CADPS2: variants seen among roughly 807,000 people sequenced by gnomAD.
The protein encoded by CADPS2 is calcium-dependent secretion activator 2.
A neutral mutation model predicts 172.5 loss-of-function variants in CADPS2; 93 were observed. That is an observed-to-expected ratio of 0.54 (90% CI 0.46 to 0.64). CADPS2 has a LOEUF of 0.64. CADPS2 is among the 30% of genes least tolerant of loss of function. The pLI is 0.00. For synonymous variants in CADPS2, 546 were observed against 555.2 expected, an observed-to-expected ratio of 0.98 and a Z score of 0.23; for missense variants, 1,420 against 1,565.9, an observed-to-expected ratio of 0.91 and a Z score of 1.57.
chr7:122,713,696 C>T lies in CADPS2; in HGVS notation c.453+23259G>A, dbSNP rs577260508. 6.6e-5 allele frequency among the ~76,000 whole-genome samples: 10 copies of T among 151,844 alleles called. No homozygotes were observed. The East Asian group carries it at 1.6e-3, about 24-fold the overall frequency. ...ACATATATTCTTGAAGACAAGTGAT[C>T]TCTTTACACAAATACCTAGTAACAC... is the stretch of plus-strand genomic sequence containing the variant. On this transcript the variant is annotated intron_variant, in intron 2 of 29. Transcript: ENST00000449022.
At chr7:122,748,665 A>T (rs1178124603) in intron 1 of CADPS2, among the ~76,000 whole-genome samples, 1 of 152,126 alleles carries the variant, frequency 6.6e-6, no homozygotes, top group Non-Finnish European at 1.5e-5. Flanking sequence ...TACATGGATG[A>T]GAAGTGGCTA....
chr7:122,438,502 T>C, intron 16 of CADPS2, 38 bp from the exon 17 acceptor site: 1 of 1,608,010 alleles, frequency 6.2e-7, no homozygotes. Flanking sequence ...GGGGCAGGGT[T>C]GGGGATAGAC....
chr7:122,749,394 A>T (rs927043478), intron 1 of CADPS2, among the ~76,000 whole-genome samples: 1 of 152,138 alleles, frequency 6.6e-6, no homozygotes, highest in Non-Finnish European at 1.5e-5. Context: ...GGCAACTAGC[A>T]CTGCTGCTCT....
intron 1 of CADPS2, among the ~76,000 whole-genome samples, chr7:122,753,495 T>A (rs1349541835): frequency 6.6e-6 from 1 of 152,194 alleles, no homozygotes; most frequent in Non-Finnish European, 1.5e-5. Context: ...ATACCTGTAC[T>A]CCTACAGTGA....
chr7:122,409,485 C>A, intron 19 of CADPS2: 19 of 259,150 alleles, frequency 7.3e-5, no homozygotes, highest in South Asian at 1.4e-4. Flanking sequence ...TTTTTCAAAA[C>A]AGCTTCAGGT....
intron 14 of CADPS2, 109 bp downstream of exon 14, chr7:122,471,266 G>A: frequency 6.2e-6 from 2 of 324,692 alleles, no homozygotes; most frequent in Non-Finnish European, 5.6e-6. Context: ...CTTGTAAGAA[G>A]TGTTTGCTAT....
chr7:122,669,484 G>T (rs2081553389), intron 2 of CADPS2, among the ~76,000 whole-genome samples: 1 of 151,856 alleles, frequency 6.6e-6, no homozygotes, highest in African/African-American at 2.4e-5. Flanking sequence ...AAAAGAACCA[G>T]GGGATGGATA....
intron 1 of CADPS2, among the ~76,000 whole-genome samples, chr7:122,837,127 C>T (rs1308938250): frequency 6.6e-6 from 1 of 152,152 alleles, no homozygotes; most frequent in Non-Finnish European, 1.5e-5. Context: ...AAGAAACTCA[C>T]TCAAAACCGC....
chr7:122,673,916 G>A (rs2082129368), intron 2 of CADPS2, among the ~76,000 whole-genome samples: 2 of 152,064 alleles, frequency 1.3e-5, no homozygotes, highest in Admixed American at 1.3e-4. Context: ...GCGGGGGGTG[G>A]GGGTGGGGGT....
At chr7:122,529,272 T>C (rs1373769915) in intron 8 of CADPS2, among the ~76,000 whole-genome samples, 6 of 152,122 alleles carry the variant, frequency 3.9e-5, no homozygotes, top group African/African-American at 1.4e-4. Flanking sequence ...AATAACTAAA[T>C]ATTTCTATTT....
chr7:122,409,193 C>T (rs929186281), intron 19 of CADPS2, among the ~76,000 whole-genome samples: 19 of 152,172 alleles, frequency 1.2e-4, no homozygotes, highest in Non-Finnish European at 2.2e-4. Flanking sequence ...ACAGATCTTG[C>T]GCCTATCTTT....
At chr7:122,662,430 C>T (rs1313345172) in intron 3 of CADPS2, among the ~76,000 whole-genome samples, 1 of 145,314 alleles carries the variant, frequency 6.9e-6, no homozygotes, top group Non-Finnish European at 1.5e-5. Context: ...GGCTGGAGTG[C>T]AGTGGCACGA....
At chr7:122,510,003 G>C (rs905460493) in intron 9 of CADPS2, among the ~76,000 whole-genome samples, 4 of 152,046 alleles carry the variant, frequency 2.6e-5, no homozygotes, top group Non-Finnish European at 5.9e-5. Context: ...GCAAAATATA[G>C]AATGAAGTAA....
intron 27 of CADPS2, among the ~76,000 whole-genome samples, chr7:122,345,918 CTTT>C (rs71159791): frequency 1.4e-5 from 2 of 138,752 alleles, no homozygotes; most frequent in Admixed American, 7.4e-5. Flanking sequence ...CCGTAGATAT[CTTT>C]TTTTTTTTTT....
At chr7:122,575,726 T>G (rs1257180108) in intron 7 of CADPS2, among the ~76,000 whole-genome samples, 1 of 152,212 alleles carries the variant, frequency 6.6e-6, no homozygotes, top group Non-Finnish European at 1.5e-5. Flanking sequence ...CATGAGCTAC[T>G]GCACCTGGAC....
intron 8 of CADPS2, among the ~76,000 whole-genome samples, chr7:122,514,584 A>G (rs1180639546): frequency 9.2e-5 from 14 of 152,096 alleles, no homozygotes; most frequent in Non-Finnish European, 2.9e-5. Flanking sequence ...TTGGGAGATG[A>G]TCTTCTTGTA....
chr7:122,399,015 T>G (rs2045547485), intron 20 of CADPS2, among the ~76,000 whole-genome samples: 1 of 152,150 alleles, frequency 6.6e-6, no homozygotes, highest in African/African-American at 2.4e-5. Flanking sequence ...TATTAATGTA[T>G]ACATTAACTA....
At chr7:122,602,989 A>G (rs2133537604) in intron 6 of CADPS2, among the ~76,000 whole-genome samples, 1 of 152,228 alleles carries the variant, frequency 6.6e-6, no homozygotes, top group Admixed American at 6.6e-5. Flanking sequence ...AATTACTGTC[A>G]ACAACTGCAG....
intron 1 of CADPS2, among the ~76,000 whole-genome samples, chr7:122,806,500 T>A (rs1798826392): frequency 6.6e-6 from 1 of 152,222 alleles, no homozygotes; most frequent in Non-Finnish European, 1.5e-5. Context: ...ACACCAATGC[T>A]GCTTTAACAC....
Sources: gnomAD v4.1 joint callset for allele counts (sites outside exome capture counted in the v4.1 genomes callset) on GRCh38, gnomAD v4.1.1 for gene constraint, MANE v1.5 for transcripts, NCBI Gene and HGNC (gene_info 2026-07-23, HGNC 2026-07-21) for gene names.